Variants in SBNO2 observed in about 807,000 individuals in gnomAD.
The protein encoded by SBNO2 is protein strawberry notch homolog 2.
In SBNO2, 89 loss-of-function variants were observed where a neutral mutation model predicts 146.3. The ratio of observed to expected loss-of-function variants is 0.61; its 90% CI spans 0.51 to 0.73. The LOEUF (loss-of-function observed/expected upper bound fraction) is 0.73, where lower values mean the gene tolerates loss of function less well. SBNO2 is among the 30% of genes least tolerant of loss of function. The pLI is 0.00. For missense variants in SBNO2, 2,092 were observed against 2,003.7 expected (o/e 1.04, Z -0.84); for synonymous variants, 1,147 against 892.6 (o/e 1.29, Z -5.08).
In SBNO2 at chr19:1,138,824, G is replaced by C. The variant is rs2080109017; in HGVS notation, c.279+8485C>G. ...CACGCCTCCATCACGGACAGACACA[G>C]TTGGTCCTCCACGCCTCCATCACGG... On this transcript the variant is annotated intron_variant, in intron 4 of 31. Coordinates refer to ENST00000361757, the MANE Select transcript of SBNO2 (RefSeq NM_014963.3). Among the ~76,000 whole-genome samples, 6 of 149,930 alleles carry C rather than the reference G, an allele frequency of 4.0e-5. No individual in the cohort carries two copies. The South Asian group carries it at 1.3e-3, about 32-fold the overall frequency.
chr19:1,146,804 G>A (rs2080194618), intron 4 of SBNO2, among the ~76,000 whole-genome samples: 2 of 145,510 alleles, frequency 1.4e-5, no homozygotes, highest in Admixed American at 1.3e-4. Context: ...GGGGGAGGCT[G>A]GGAGGGTGGG....
intron 17 of SBNO2, 39 bp downstream of exon 17, chr19:1,115,982 G>A (rs369368741): frequency 1.9e-5 from 29 of 1,524,342 alleles, no homozygotes; most frequent in Non-Finnish European, 2.4e-5. Context: ...AGAAAGCAGA[G>A]GGGCAGGGGT....
chr19:1,136,266 C>T lies in SBNO2; in HGVS notation c.280-8501G>A, dbSNP rs1340121925. Reference sequence around the variant, plus strand: ...GGGGACAGAGTCCTGGCCTTTGAAGCTGTGTGTGCTGCTTCCTCACAGCAG... The same window carrying T: ...GGGGACAGAGTCCTGGCCTTTGAAGTTGTGTGTGCTGCTTCCTCACAGCAG... On this transcript the variant is annotated intron_variant, in intron 4 of 31. Coordinates refer to ENST00000361757, the MANE Select transcript of SBNO2 (RefSeq NM_014963.3). This position sits in a 1 kb window ranked among gnomAD's most constrained non-coding sequence, Gnocchi z 4.2. 2.0e-5 allele frequency among the ~76,000 whole-genome samples: 3 copies of T among 152,216 alleles called. No homozygotes were observed.
rs376023611 is a variant in SBNO2 at position 1,119,154 on chromosome 19, C to T, written c.1384G>A (p.Ala462Thr). Reference sequence around the variant, plus strand: ...ATGTCCATGGCCACGATCTCCATGGCGCCAACGCCCCTGCGGATGGACACA... The same window carrying T: ...ATGTCCATGGCCACGATCTCCATGGTGCCAACGCCCCTGCGGATGGACACA... Reference protein sequence around the residue: ...LHAIEKRGVGAMEIVAMDMKV... With the variant: ...LHAIEKRGVGTMEIVAMDMKV... The change falls in exon 14 of 32, where the codon GCC becomes ACC. Residue 462 changes from alanine (A) to threonine (T), a missense_variant. Transcript: ENST00000361757. 1.8e-5 allele frequency: 29 copies of T among 1,597,846 alleles called. No individual in the cohort carries two copies. Among genetic ancestry groups the T allele is most frequent in the Non-Finnish European group, 2.2e-5 (26 of 1,174,362 alleles).
At chr19:1,135,889 A>G (rs1599854610) in intron 4 of SBNO2, among the ~76,000 whole-genome samples, 1 of 152,170 alleles carries the variant, frequency 6.6e-6, no homozygotes, top group South Asian at 2.1e-4. Flanking sequence ...GCCCCTCAGC[A>G]GGCCTGGTCA....
At chr19:1,128,683 G>A (rs990167940) in intron 4 of SBNO2, among the ~76,000 whole-genome samples, 2 of 149,580 alleles carry the variant, frequency 1.3e-5, no homozygotes, top group Non-Finnish European at 3.0e-5. Context: ...GTGAGCCACC[G>A]TGTCCGGCCA....
intron 17 of SBNO2, 80 bp from the exon 18 acceptor site, chr19:1,114,502 G>A (rs879007725): frequency 8.1e-7 from 1 of 1,236,310 alleles, no homozygotes. Flanking sequence ...GCAGGACAGA[G>A]CAAGGCCAGT....
At chr19:1,169,398 C>A (rs535297481) in intron 1 of SBNO2, among the ~76,000 whole-genome samples, 3 of 152,232 alleles carry the variant, frequency 2.0e-5, no homozygotes. Flanking sequence ...TGAGCTCTCA[C>A]GGGGCCTCCG....
chr19:1,120,192 C>G, intron 11 of SBNO2, 169 bp from the exon 12 acceptor site: 2 of 520,188 alleles, frequency 3.8e-6, no homozygotes, highest in Non-Finnish European at 3.5e-6. Flanking sequence ...CCATGGGGGG[C>G]GGGCGGGCAG....
Position 1,174,153 on chromosome 19 carries a change from G to A in SBNO2, c.-127+19C>T, listed in dbSNP as rs948425026. On this transcript the variant is annotated intron_variant, in intron 1 of 31. Transcript: ENST00000361757. ...GGGTCGCGGTGGAGCCGGGGCGGGGGTCGCAACCAGAGCCTCACCTCGGGC... is the reference window on the plus strand; with the variant it reads ...GGGTCGCGGTGGAGCCGGGGCGGGGATCGCAACCAGAGCCTCACCTCGGGC... 4.6e-5 allele frequency: 7 copies of A among 151,572 alleles called. No homozygotes were observed. The highest frequency in any genetic ancestry group is 1.0e-4 in the Non-Finnish European group (7 of 67,778). The allele number at this position is 151,572 out of a possible 1,614,324, so 9.4% of individuals were successfully genotyped here.
chr19:1,130,018 C>T (rs1049949475), intron 4 of SBNO2, among the ~76,000 whole-genome samples: 1 of 152,168 alleles, frequency 6.6e-6, no homozygotes, highest in Non-Finnish European at 1.5e-5. Flanking sequence ...CCGACTACTC[C>T]AGGGCATCCA....
At position 1,119,518 on chromosome 19, in the gene SBNO2, C is replaced by A; in HGVS notation, c.1371G>T (p.Lys457Asn). Residue 457 changes from lysine to asparagine, a missense_variant and splice_region_variant, in exon 13 of 32, where the codon AAG becomes AAT. Coordinates refer to ENST00000361757, the MANE Select transcript of SBNO2 (RefSeq NM_014963.3). The part of the protein sequence containing the change: ...NFEEFLHAIE[K>N]RGVGAMEIVA... ...ACGTGGGTGAGAAGGGCACTCACCT[C>A]TTCTCGATGGCGTGCAGGAACTCCT... The A allele has an allele frequency of 6.2e-7, 1 of 1,600,648 alleles. No homozygotes were observed. Among genetic ancestry groups the A allele is most frequent in the Non-Finnish European group, 8.5e-7 (1 of 1,172,596 alleles).
At chr19:1,161,371 A>G (rs1353573492) in intron 1 of SBNO2, among the ~76,000 whole-genome samples, 1 of 29,038 alleles carries the variant, frequency 3.4e-5, no homozygotes, top group Non-Finnish European at 6.0e-5. Context: ...CTGAGTACTG[A>G]GTACTGGGGG....
chr19:1,122,760 C>T lies in SBNO2; in HGVS notation c.812G>A (p.Arg271His). 3 of 1,537,640 alleles carry T rather than the reference C, an allele frequency of 2.0e-6. No homozygotes were observed. The highest frequency in any genetic ancestry group is 1.2e-5 in the South Asian group (1 of 84,022). Residue 271 changes from arginine (R) to histidine (H), a missense_variant, in exon 9 of 32, where the codon CGC becomes CAC. Coordinates refer to ENST00000361757, the MANE Select transcript of SBNO2 (RefSeq NM_014963.3). The part of the protein sequence containing the change: ...QHEVLLPSGQ[R>H]AGFLIGDGAG... ...CCCATCGCCGATGAGAAAGCCCGCG[C>T]GCTGCCCGCTGGGGAGCAGGACCTC...
At chr19:1,121,168 C>T (rs1406255203) in intron 11 of SBNO2, among the ~76,000 whole-genome samples, 1 of 152,152 alleles carries the variant, frequency 6.6e-6, no homozygotes, top group Admixed American at 6.5e-5. Context: ...GGATTACAAG[C>T]GTGAGCCACT....
chr19:1,147,408 G>C lies in SBNO2; in HGVS notation c.180C>G (p.Ser60Arg). 7.2e-7 allele frequency: 1 copy of C among 1,385,920 alleles called. No individual in the cohort carries two copies. The highest frequency in any genetic ancestry group is 9.6e-7 in the Non-Finnish European group (1 of 1,042,334). The allele number at this position is 1,385,920 out of a possible 1,614,324, so 85.9% of individuals were successfully genotyped here. The change falls in exon 4 of 32, where the codon AGC (serine) becomes AGG (arginine). Residue 60 changes from serine (S) to arginine (R), a missense_variant. By Grantham distance (110) the Ser-to-Arg change is moderately radical (BLOSUM62 -1). Transcript: ENST00000361757. ...GCTGGCTGCCGAGGAAGGAGGCGGA[G>C]CTCATGAACGGGCTGGAGGGAGATG... Reference protein sequence around the residue: ...AFSSDSRPFMSSASFLGSQPC... With the variant: ...AFSSDSRPFMRSASFLGSQPC...
At position 1,119,077 on chromosome 19, in the gene SBNO2, G is replaced by A. The variant is rs1316712977; in HGVS notation, c.1461C>T (p.Thr487=). ...IARQLSFSGV[T]FRIEEIPLAP... ...CCAGCGGGATCTCCTCGATGCGGAA[G>A]GTGACGCCGGAGAAGCTGAGCTGGC... The change falls in exon 14 of 32, where the codon ACC becomes ACT. Residue 487 remains threonine (T), a synonymous_variant. Coordinates refer to ENST00000361757, the MANE Select transcript of SBNO2 (RefSeq NM_014963.3). 5.0e-6 allele frequency: 8 copies of A among 1,606,010 alleles called. No individual in the cohort carries two copies. The highest frequency in any genetic ancestry group is 6.8e-6 in the Non-Finnish European group (8 of 1,177,240).
intron 1 of SBNO2, among the ~76,000 whole-genome samples, chr19:1,156,497 G>A (rs752561603): frequency 2.4e-4 from 37 of 151,880 alleles, no homozygotes; most frequent in Non-Finnish European, 3.5e-4. Flanking sequence ...AGAGGCTAAC[G>A]CTGGAGTCAC....
intron 4 of SBNO2, among the ~76,000 whole-genome samples, chr19:1,130,933 C>T (rs1342308500): frequency 6.6e-6 from 1 of 152,198 alleles, no homozygotes; most frequent in Non-Finnish European, 1.5e-5. Flanking sequence ...TGCATGAGCC[C>T]TCGAAGCCTT....
Sources: allele counts gnomAD v4.1 joint callset (sites outside exome capture counted in the v4.1 genomes callset), GRCh38; gene constraint gnomAD v4.1.1; non-coding constraint Gnocchi (gnomAD v3.1); transcripts MANE v1.5; gene names NCBI Gene and HGNC (gene_info 2026-07-23, HGNC 2026-07-21).